Variants in HGSNAT observed in about 807,000 individuals in gnomAD.
HGSNAT encodes the protein heparan-alpha-glucosaminide N-acetyltransferase.
HGSNAT carries 59 observed loss-of-function variants against 85.2 expected under a neutral mutation model. That is an observed-to-expected ratio of 0.69 (90% CI 0.56 to 0.86). The LOEUF (loss-of-function observed/expected upper bound fraction) is 0.86, where lower values mean the gene tolerates loss of function less well. Among genes scored for constraint, HGSNAT ranks in the 40% least tolerant of loss-of-function variants. The pLI, the probability that HGSNAT is intolerant of heterozygous loss-of-function variation, is 0.00. For synonymous variants in HGSNAT, 321 were observed against 304.5 expected, an observed-to-expected ratio of 1.05 and a Z score of -0.56; for missense variants, 756 against 777.1, an observed-to-expected ratio of 0.97 and a Z score of 0.32.
intron 1 of HGSNAT, 30 bp from the exon 2 acceptor site, chr8:43,146,918 T>A: frequency 7.5e-7 from 1 of 1,327,498 alleles, no homozygotes; most frequent in Non-Finnish European, 1.0e-6. Context: ...CCTTTTTTTT[T>A]TTTTTTTAAC....
chr8:43,202,290 C>T lies in HGSNAT; in HGVS notation c.*2721C>T, dbSNP rs1210220841. The T allele has an allele frequency of 6.6e-6, 1 of 152,472 alleles. No individual in the cohort carries two copies. Among genetic ancestry groups the T allele is most frequent in the East Asian group, 1.9e-4 (1 of 5,200 alleles). 9.4% of individuals were successfully genotyped at this position (152,472 alleles called of 1,614,324 possible). Reference sequence around the variant, plus strand: ...CAGGAAATGCTTCCCAGAAGCCTCTCAGCAGCCTCCCCTCCTGTCCTATCA... The same window carrying T: ...CAGGAAATGCTTCCCAGAAGCCTCTTAGCAGCCTCCCCTCCTGTCCTATCA... On this transcript the variant is annotated 3_prime_UTR_variant, in exon 18 of 18. Transcript: ENST00000379644.
intron 11 of HGSNAT, among the ~76,000 whole-genome samples, chr8:43,183,820 G>A (rs142216071): frequency 0.011 from 1,609 of 152,076 alleles, 30 homozygotes; most frequent in African/African-American, 0.036. Context: ...GGTGTGTGAT[G>A]TTCCCCACCC....
chr8:43,155,156 T>C (rs1262987957), intron 2 of HGSNAT, among the ~76,000 whole-genome samples: 3 of 152,218 alleles, frequency 2.0e-5, no homozygotes, highest in Admixed American at 1.3e-4. Flanking sequence ...ACCTTCATAT[T>C]GTTTCCCACA....
chr8:43,183,895 CT>C (rs1804219187), intron 11 of HGSNAT, among the ~76,000 whole-genome samples: 1 of 152,006 alleles, frequency 6.6e-6, no homozygotes, highest in Admixed American at 6.6e-5. Flanking sequence ...GTTTGGTTTT[CT>C]GTCTTTGTGA....
At chr8:43,191,971 C>T (rs113751768) in intron 12 of HGSNAT, among the ~76,000 whole-genome samples, 139 of 152,204 alleles carry the variant, frequency 9.1e-4, no homozygotes, top group African/African-American at 3.0e-3. Flanking sequence ...CTCTGTCGCC[C>T]AGGCAGGAGT....
intron 17 of HGSNAT, among the ~76,000 whole-genome samples, chr8:43,198,538 C>T (rs1044736673): frequency 2.6e-5 from 4 of 152,122 alleles, no homozygotes; most frequent in African/African-American, 4.8e-5. Context: ...CCGCCCGCCT[C>T]GGCCTCCCAA....
chr8:43,194,158 G>A, intron 14 of HGSNAT: 1 of 1,018,276 alleles, frequency 9.8e-7, no homozygotes, highest in Non-Finnish European at 1.2e-6. Flanking sequence ...AACATTTTGG[G>A]AAGCCAAGGC....
chr8:43,183,117 C>T (rs1041198993), intron 11 of HGSNAT, among the ~76,000 whole-genome samples: 2 of 152,176 alleles, frequency 1.3e-5, no homozygotes, highest in African/African-American at 4.8e-5. Flanking sequence ...ATTATCATTT[C>T]TTTGTGTCAG....
At chr8:43,149,788 C>G (rs181721081) in intron 2 of HGSNAT, among the ~76,000 whole-genome samples, 1 of 151,966 alleles carries the variant, frequency 6.6e-6, no homozygotes, top group African/African-American at 2.4e-5. Context: ...ATAATAACTT[C>G]ATACATTTAG....
intron 10 of HGSNAT, chr8:43,180,601 C>T (rs1804047291): frequency 6.3e-6 from 1 of 159,376 alleles, no homozygotes; most frequent in Non-Finnish European, 1.3e-5. Flanking sequence ...AGACGCTCCT[C>T]ACTTTCCAGA....
At chr8:43,160,643 A>G (rs1803240161) in intron 4 of HGSNAT, among the ~76,000 whole-genome samples, 1 of 152,212 alleles carries the variant, frequency 6.6e-6, no homozygotes, top group African/African-American at 2.4e-5. Context: ...TATCCCACAT[A>G]CTATTACTGA....
chr8:43,176,497 T>G (rs763615250), intron 9 of HGSNAT, among the ~76,000 whole-genome samples: 122 of 152,242 alleles, frequency 8.0e-4, no homozygotes, highest in Non-Finnish European at 1.6e-3. Context: ...TCCAGTTTTG[T>G]TCTCTTGCTC....
chr8:43,142,620 C>T (rs529430325), intron 1 of HGSNAT, among the ~76,000 whole-genome samples: 2 of 152,124 alleles, frequency 1.3e-5, no homozygotes, highest in South Asian at 2.1e-4. Context: ...TTGGGAGGTT[C>T]GTTGTTTTTT....
At chr8:43,199,349 T>A (rs1804841486) in intron 17 of HGSNAT, 39 bp from the exon 18 acceptor site, 2 of 1,404,226 alleles carry the variant, frequency 1.4e-6, no homozygotes, top group Non-Finnish European at 2.0e-6. Flanking sequence ...GTGACTCATC[T>A]GTGAGAAACA....
At chr8:43,179,647 T>C (rs1396214986) in intron 10 of HGSNAT, among the ~76,000 whole-genome samples, 4 of 17,314 alleles carry the variant, frequency 2.3e-4, no homozygotes, top group South Asian at 2.7e-3. Flanking sequence ...ACGGGGCGAC[T>C]GGCCAGGCGG....
At chr8:43,159,973 C>T (rs1055070712) in intron 4 of HGSNAT, among the ~76,000 whole-genome samples, 4 of 151,748 alleles carry the variant, frequency 2.6e-5, no homozygotes, top group Non-Finnish European at 4.4e-5. Context: ...ACGCAGGAGC[C>T]GATATGAAAG....
At chr8:43,162,127 G>T (rs1803285840) in intron 5 of HGSNAT, among the ~76,000 whole-genome samples, 1 of 152,186 alleles carries the variant, frequency 6.6e-6, no homozygotes, top group Non-Finnish European at 1.5e-5. Flanking sequence ...TCAAAGGAAA[G>T]TTTTTTTCAT....
chr8:43,150,569 C>T (rs980714164), intron 2 of HGSNAT, among the ~76,000 whole-genome samples: 3 of 152,056 alleles, frequency 2.0e-5, no homozygotes, highest in Non-Finnish European at 4.4e-5. Context: ...CGCGGTGGCT[C>T]ACACCTGTAA....
At chr8:43,153,985 A>G (rs560424185) in intron 2 of HGSNAT, among the ~76,000 whole-genome samples, 165 of 152,254 alleles carry the variant, frequency 1.1e-3, no homozygotes, top group Non-Finnish European at 2.1e-3. Flanking sequence ...CTTGGCTATT[A>G]TGAATAGTGC....
Sources: gnomAD v4.1 joint callset for allele counts (sites outside exome capture counted in the v4.1 genomes callset) on GRCh38, gnomAD v4.1.1 for gene constraint, MANE v1.5 for transcripts, NCBI Gene and HGNC (gene_info 2026-07-23, HGNC 2026-07-21) for gene names.